The following ICE2 variants were observed in gnomAD, a reference collection of about 807,000 sequenced individuals.
ICE2 encodes the protein little elongation complex subunit 2.
In ICE2, 87 loss-of-function variants were observed where a neutral mutation model predicts 105.4. That is an observed-to-expected ratio of 0.83 (90% CI 0.69 to 0.99). The LOEUF (loss-of-function observed/expected upper bound fraction) is 0.99, where lower values mean the gene tolerates loss of function less well. Ranked by LOEUF, ICE2 falls within the 50% of genes least tolerant of loss-of-function variation. ICE2 has a pLI of 0.00. For missense variants in ICE2, 1,323 were observed against 1,146.7 expected, an observed-to-expected ratio of 1.15 and a Z score of -2.22; for synonymous variants, 399 against 392.0, an observed-to-expected ratio of 1.02 and a Z score of -0.21.
chr15:60,421,919 A>G lies in ICE2; in HGVS notation c.*1715T>C, dbSNP rs531083625. 14 of 152,340 alleles carry G rather than the reference A, an allele frequency of 9.2e-5. No homozygotes were observed. The highest frequency in any genetic ancestry group is 3.4e-4 in the African/African-American group (14 of 41,588). The allele number at this position is 152,340 out of a possible 1,614,324, so 9.4% of individuals were successfully genotyped here. ...AAATGAAACAAAACTTGGTAGTTGA[A>G]TATAAGTATTTTCAACTGTTACAAT... On this transcript the variant is annotated 3_prime_UTR_variant, in exon 16 of 16. Coordinates refer to ENST00000261520, the MANE Select transcript of ICE2 (RefSeq NM_024611.6).
chr15:60,447,685 CT>C (rs2063853635), intron 11 of ICE2: 2 of 215,482 alleles, frequency 9.3e-6, no homozygotes, highest in African/African-American at 4.6e-5. Context: ...CATGCCGGAG[CT>C]TAAAAGTTTT....
intron 5 of ICE2, among the ~76,000 whole-genome samples, chr15:60,464,642 G>A (rs1354921600): frequency 6.6e-6 from 1 of 152,114 alleles, no homozygotes; most frequent in Non-Finnish European, 1.5e-5. Flanking sequence ...CCGCAGGTGG[G>A]GGAAGAATAA....
intron 13 of ICE2, among the ~76,000 whole-genome samples, chr15:60,432,424 AGG>A (rs754285592): frequency 2.6e-4 from 39 of 151,764 alleles, no homozygotes; most frequent in Admixed American, 2.0e-4. Flanking sequence ...TCCTGACCTC[AGG>A]TGATCCACCC....
At chr15:60,472,857 T>C (rs1478803926) in intron 3 of ICE2, among the ~76,000 whole-genome samples, 2 of 152,062 alleles carry the variant, frequency 1.3e-5, no homozygotes, top group Non-Finnish European at 2.9e-5. Context: ...AGTGGCAAGA[T>C]GAAGATTAAT....
At chr15:60,473,617 T>C (rs954810385) in intron 3 of ICE2, among the ~76,000 whole-genome samples, 2 of 152,176 alleles carry the variant, frequency 1.3e-5, no homozygotes, top group East Asian at 1.9e-4. Flanking sequence ...TTTTTAAAGA[T>C]AGACATATGT....
At chr15:60,456,834 C>T (rs1595793884) in intron 5 of ICE2, 40 bp from the exon 6 acceptor site, 2 of 1,331,528 alleles carry the variant, frequency 1.5e-6, no homozygotes, top group Non-Finnish European at 2.0e-6. Context: ...TTGTATTTCT[C>T]TAATAATGCA....
intron 5 of ICE2, among the ~76,000 whole-genome samples, chr15:60,462,888 T>C (rs2064318372): frequency 6.6e-6 from 1 of 152,204 alleles, no homozygotes; most frequent in Admixed American, 6.5e-5. Flanking sequence ...ACGCATACTC[T>C]ATGACCGAAT....
chr15:60,443,696 T>C (rs79894462), intron 11 of ICE2, among the ~76,000 whole-genome samples: 7,259 of 152,232 alleles, frequency 0.048, 510 homozygotes, highest in African/African-American at 0.16. Context: ...TAAATGTGAT[T>C]AGGATTTTAC....
intron 15 of ICE2, among the ~76,000 whole-genome samples, chr15:60,426,059 C>T (rs2063332328): frequency 6.6e-6 from 1 of 152,174 alleles, no homozygotes; most frequent in African/African-American, 2.4e-5. Context: ...GTATTTGTTC[C>T]TGGACTGAAT....
chr15:60,424,032 T>G (rs1162096485), intron 15 of ICE2, among the ~76,000 whole-genome samples: 1 of 152,114 alleles, frequency 6.6e-6, no homozygotes, highest in East Asian at 1.9e-4. Flanking sequence ...TTAAATTTAT[T>G]AGAGGTTGAA....
intron 12 of ICE2, 75 bp downstream of exon 12, chr15:60,442,341 T>C (rs1342076858): frequency 7.6e-7 from 1 of 1,307,468 alleles, no homozygotes; most frequent in East Asian, 2.4e-5. Context: ...AGAATAGAAG[T>C]ATTCACAATT....
At chr15:60,430,216 C>T (rs948246899) in intron 14 of ICE2, among the ~76,000 whole-genome samples, 13 of 152,288 alleles carry the variant, frequency 8.5e-5, no homozygotes, top group African/African-American at 2.9e-4. Context: ...GACTGTACAA[C>T]TCCAGAGAGA....
intron 9 of ICE2, chr15:60,451,269 TAAAC>T (rs746652659): frequency 1.7e-5 from 11 of 650,092 alleles, no homozygotes; most frequent in Non-Finnish European, 2.1e-5. Flanking sequence ...AATACATATA[TAAAC>T]AGACTACAAA....
intron 13 of ICE2, among the ~76,000 whole-genome samples, chr15:60,433,324 G>A (rs1282316393): frequency 6.6e-6 from 1 of 151,824 alleles, no homozygotes; most frequent in Non-Finnish European, 1.5e-5. Context: ...CTGACCTCAT[G>A]ATCCACCCGC....
rs1161005967 is a variant in ICE2 at position 60,449,217 on chromosome 15, A to G, written c.1750T>C (p.Cys584Arg). 1.2e-6 allele frequency: 2 copies of G among 1,613,912 alleles called. No individual in the cohort carries two copies. Among genetic ancestry groups the G allele is most frequent in the Non-Finnish European group, 8.5e-7 (1 of 1,180,022 alleles). The change falls in exon 10 of 16, where the codon TGT (cysteine) becomes CGT (arginine). Residue 584 changes from cysteine (C) to arginine (R), a missense_variant. By Grantham distance (180) the Cys-to-Arg change is radical. Coordinates refer to ENST00000261520, the MANE Select transcript of ICE2 (RefSeq NM_024611.6). ...DEECLIIDTE[C>R]KNNSDGKTAV... ...GTCTTTCCATCACTATTATTTTTAC[A>G]TTCTGTATCAATGATTAAACACTCC...
rs1267400011 is a variant in ICE2 at position 60,435,181 on chromosome 15, T to C, written c.2510+962A>G. Reference sequence around the variant, plus strand: ...CTGTAGTCCCAGCTACTCTGGAGGCTGAGGCAGGAGAATGGCATGAACCCG... The same window carrying C: ...CTGTAGTCCCAGCTACTCTGGAGGCCGAGGCAGGAGAATGGCATGAACCCG... On this transcript the variant is annotated intron_variant, in intron 13 of 15. Transcript: ENST00000261520. 2.0e-5 allele frequency among the ~76,000 whole-genome samples: 3 copies of C among 152,104 alleles called. No homozygotes were observed. In the East Asian group the frequency reaches 5.8e-4, roughly 29 times the overall value.
Position 60,459,620 on chromosome 15 carries a change from T to C in ICE2, c.529-2826A>G, listed in dbSNP as rs146204729. On this transcript the variant is annotated intron_variant, in intron 5 of 15. Coordinates refer to ENST00000261520, the MANE Select transcript of ICE2 (RefSeq NM_024611.6). ...AAACCTGTAGATAAATTAAAACAAA[T>C]ATAGTCCATATAAAACAATAATGTG... 5.3e-5 allele frequency among the ~76,000 whole-genome samples: 8 copies of C among 152,222 alleles called. No individual in the cohort carries two copies. The East Asian group carries it at 1.5e-3, about 29-fold the overall frequency.
chr15:60,468,068 T>G lies in ICE2; in HGVS notation c.401A>C (p.Gln134Pro). 2 of 1,611,708 alleles carry G rather than the reference T, an allele frequency of 1.2e-6. No homozygotes were observed. Among genetic ancestry groups the G allele is most frequent in the Non-Finnish European group, 1.7e-6 (2 of 1,178,856 alleles). ...AVGINKNDYL[Q>P]YLDMKKHVNE... ...GAAGAACACAATACATACCAAGTAC[T>G]GCAAGTAGTCATTTTTATTTATTCC... Residue 134 changes from glutamine (Q) to proline (P), a missense_variant, in exon 4 of 16, where the codon CAG becomes CCG. By Grantham distance (76) the Gln-to-Pro change is moderately conservative. Transcript: ENST00000261520.
rs560052509 is a variant in ICE2, at chr15:60,421,011, A to T, written c.*2623T>A. On this transcript the variant is annotated 3_prime_UTR_variant, in exon 16 of 16. Coordinates refer to ENST00000261520, the MANE Select transcript of ICE2 (RefSeq NM_024611.6). ...GAAAAGAAAATCAAAGAAACAAATA[A>T]ATATGGTGAGATCTGAAAAAACAAG... 1 of 151,558 alleles carries T rather than the reference A, an allele frequency of 6.6e-6. No homozygotes were observed. The allele number at this position is 151,558 out of a possible 1,614,324, so 9.4% of individuals were successfully genotyped here.
Sources: gnomAD v4.1 joint callset for allele counts (sites outside exome capture counted in the v4.1 genomes callset) on GRCh38, gnomAD v4.1.1 for gene constraint, MANE v1.5 for transcripts, NCBI Gene and HGNC (gene_info 2026-07-23, HGNC 2026-07-21) for gene names.